Variants in PTPN14 observed in about 807,000 individuals in gnomAD.
The protein encoded by PTPN14 is tyrosine-protein phosphatase non-receptor type 14.
A neutral mutation model predicts 126.8 loss-of-function variants in PTPN14; 53 were observed. The ratio of observed to expected loss-of-function variants is 0.42; its 90% CI spans 0.34 to 0.53. PTPN14 has a LOEUF of 0.53. Among genes scored for constraint, PTPN14 ranks in the 20% least tolerant of loss-of-function variants. The pLI is 0.08. For synonymous variants in PTPN14, 630 were observed against 599.3 expected (o/e 1.05, Z -0.75); for missense variants, 1,257 against 1,552.9 (o/e 0.81, Z 3.20).
In PTPN14 at chr1:214,369,542, C is replaced by A; in HGVS notation, c.3186G>T (p.Leu1062Phe). 6.2e-7 allele frequency: 1 copy of A among 1,614,174 alleles called. No homozygotes were observed. The highest frequency in any genetic ancestry group is 1.1e-5 in the South Asian group (1 of 91,080). The change falls in exon 17 of 19, where the codon TTG (leucine) becomes TTT (phenylalanine). Residue 1062 changes from leucine to phenylalanine, a missense_variant. Physicochemically the swap from Leu to Phe is conservative, Grantham distance 22. This residue lies in a region of PTPN14 where 171 missense variants were observed against 229.8 expected (regional missense o/e 0.74). Transcript: ENST00000366956. ...ATTGLKVKHL[L>F]SGQERTVWHL... The stretch of plus-strand genomic sequence containing the variant: ...GCCACACCGTCCTTTCTTGCCCAGA[C>A]AAAAGGTGCTTGACCTTCAAGCCCG...
At chr1:214,445,215 AG>A (rs1660115761) in intron 3 of PTPN14, among the ~76,000 whole-genome samples, 1 of 152,204 alleles carries the variant, frequency 6.6e-6, no homozygotes, top group South Asian at 2.1e-4. Context: ...ATAGCTGCTG[AG>A]AAGCACCGAA....
intron 1 of PTPN14, among the ~76,000 whole-genome samples, chr1:214,541,762 T>C (rs1655842776): frequency 6.6e-6 from 1 of 152,224 alleles, no homozygotes; most frequent in African/African-American, 2.4e-5. Context: ...TATACATATG[T>C]ATTCATGGGA....
At chr1:214,369,917 G>A (rs544799866) in intron 16 of PTPN14, among the ~76,000 whole-genome samples, 12 of 152,302 alleles carry the variant, frequency 7.9e-5, no homozygotes, top group East Asian at 1.9e-4. Context: ...ATTCACAACC[G>A]AGGTGCAGTA....
chr1:214,486,187 A>G (rs1661108050), intron 1 of PTPN14, among the ~76,000 whole-genome samples: 1 of 152,170 alleles, frequency 6.6e-6, no homozygotes, highest in Non-Finnish European at 1.5e-5. Context: ...TAATTTAACC[A>G]AAAATCATAG....
At chr1:214,475,067 T>C (rs1013403994) in intron 1 of PTPN14, among the ~76,000 whole-genome samples, 1 of 152,220 alleles carries the variant, frequency 6.6e-6, no homozygotes, top group Non-Finnish European at 1.5e-5. Context: ...TTGACAGTTC[T>C]TGAAGGTGGG....
chr1:214,458,035 ACC>A (rs1414222738), intron 2 of PTPN14, among the ~76,000 whole-genome samples: 12 of 144,608 alleles, frequency 8.3e-5, no homozygotes, highest in African/African-American at 3.1e-4. Flanking sequence ...CTATATCTAT[ACC>A]TAGAGAGAGA....
At chr1:214,381,733 A>G (rs1201357719) in intron 13 of PTPN14, among the ~76,000 whole-genome samples, 2 of 152,230 alleles carry the variant, frequency 1.3e-5, no homozygotes, top group African/African-American at 4.8e-5. Flanking sequence ...GCCTAATGGA[A>G]TCCATCAAAG....
intron 8 of PTPN14, among the ~76,000 whole-genome samples, chr1:214,396,450 T>C (rs986019223): frequency 3.9e-5 from 6 of 152,202 alleles, no homozygotes; most frequent in Non-Finnish European, 7.4e-5. Flanking sequence ...CGTGGACTCA[T>C]AGCTACATGC....
chr1:214,408,012 T>G (rs1014243253), intron 5 of PTPN14, among the ~76,000 whole-genome samples: 1 of 152,140 alleles, frequency 6.6e-6, no homozygotes, highest in Admixed American at 6.6e-5. Flanking sequence ...TCTCTCTGTC[T>G]AAATCATTCC....
intron 5 of PTPN14, among the ~76,000 whole-genome samples, chr1:214,407,104 C>T (rs576622576): frequency 3.9e-5 from 6 of 152,274 alleles, no homozygotes; most frequent in African/African-American, 1.2e-4. Context: ...TGACATTAAG[C>T]CCTAAGAAGA....
chr1:214,516,651 T>C (rs777702792), intron 1 of PTPN14, among the ~76,000 whole-genome samples: 1 of 152,128 alleles, frequency 6.6e-6, no homozygotes, highest in African/African-American at 2.4e-5. Flanking sequence ...ATACATAGTA[T>C]TACCAGGACT....
chr1:214,384,416 G>T lies in PTPN14; in HGVS notation c.1439C>A (p.Pro480Gln). 1 of 1,614,154 alleles carries T rather than the reference G, an allele frequency of 6.2e-7. No individual in the cohort carries two copies. The highest frequency in any genetic ancestry group is 8.5e-7 in the Non-Finnish European group (1 of 1,180,032). The stretch of plus-strand genomic sequence containing the variant: ...CGGTTGGCTGTACACCAGATCCTCT[G>T]GCTGGTTGTAGGCATGGGTGTTGAT... ...NIINTHAYNQPEDLVYSQPEM... is the reference protein window; with the variant it reads ...NIINTHAYNQQEDLVYSQPEM... Residue 480 changes from proline (P) to glutamine (Q), a missense_variant, in exon 13 of 19, where the codon CCA becomes CAA. Around this residue, in one of 3 missense-constraint regions of PTPN14, gnomAD observed 1,021 missense variants for 1,183.3 expected, o/e 0.86. Transcript: ENST00000366956. This position sits in a 1 kb window ranked among gnomAD's most constrained non-coding sequence, Gnocchi z 5.3.
At chr1:214,496,897 C>T (rs376254710) in intron 1 of PTPN14, among the ~76,000 whole-genome samples, 1 of 152,030 alleles carries the variant, frequency 6.6e-6, no homozygotes, top group East Asian at 1.9e-4. Context: ...TTCCTTCAGT[C>T]TAGCTCAGTC....
At chr1:214,517,278 C>A (rs1186845264) in intron 1 of PTPN14, among the ~76,000 whole-genome samples, 1 of 152,038 alleles carries the variant, frequency 6.6e-6, no homozygotes, top group Non-Finnish European at 1.5e-5. Flanking sequence ...GTATGTATGA[C>A]AAAATGCATG....
chr1:214,464,867 C>T lies in PTPN14; in HGVS notation c.-64G>A. 6.3e-7 allele frequency: 1 copy of T among 1,578,186 alleles called. No individual in the cohort carries two copies. On this transcript the variant is annotated 5_prime_UTR_variant, in exon 2 of 19. Coordinates refer to ENST00000366956, the MANE Select transcript of PTPN14 (RefSeq NM_005401.5). ...GCACACGCCCCTGAGATGGCCTTAG[C>T]AGTTTCGTGACTGGAAAATTACACT...
chr1:214,446,167 T>C (rs1294300063), intron 3 of PTPN14, among the ~76,000 whole-genome samples: 1 of 152,178 alleles, frequency 6.6e-6, no homozygotes, highest in Non-Finnish European at 1.5e-5. Context: ...TCTCTTTAAA[T>C]CCTATGGTTT....
Position 214,464,705 on chromosome 1 carries a change from G to C in PTPN14, c.99C>G (p.Ile33Met). The C allele has an allele frequency of 6.2e-7, 1 of 1,614,268 alleles. No homozygotes were observed. Among genetic ancestry groups the C allele is most frequent in the African/African-American group, 1.3e-5 (1 of 75,068 alleles). The change falls in exon 2 of 19, where the codon ATC becomes ATG. Residue 33 changes from isoleucine (I) to methionine (M), a missense_variant. Ile to Met is a conservative substitution (Grantham distance 10, BLOSUM62 1). This residue lies in a region of PTPN14 where 1,021 missense variants were observed against 1,183.3 expected (regional missense o/e 0.86). Transcript: ENST00000366956. The part of the protein sequence containing the change: ...TRIRLLDSNV[I>M]ECTLSVESTG... ...TGCTTTCCACCGACAGCGTGCACTCGATAACATTGCTGTCCAGCAGGCGAA... is the reference window on the plus strand; with the variant it reads ...TGCTTTCCACCGACAGCGTGCACTCCATAACATTGCTGTCCAGCAGGCGAA...
Position 214,458,046 on chromosome 1 carries a change from GAGAGAGAGAT to G in PTPN14, c.175-6082_175-6073del, listed in dbSNP as rs1331353737. ...ATATCTATATCTATACCTAGAGAGA[GAGAGAGAGAT>G]AGAGAGAGAGAGACAGAGAGATTCA... On this transcript the variant is annotated intron_variant, in intron 2 of 18. Transcript: ENST00000366956. 1.9e-3 allele frequency among the ~76,000 whole-genome samples: 281 copies of G among 147,216 alleles called. 1 individual carries two copies. The highest frequency in any genetic ancestry group is 7.2e-3 in the African/African-American group (268 of 36,978).
rs1482066667 is a variant in PTPN14, at chr1:214,349,248, G to A, written c.*8674C>T. On this transcript the variant is annotated 3_prime_UTR_variant, in exon 19 of 19. Transcript: ENST00000366956. ...TCCCAACCTGGAATGCATTTCTTACGGCAACAACATAAGAGATGGTGATTA... is the reference window on the plus strand; with the variant it reads ...TCCCAACCTGGAATGCATTTCTTACAGCAACAACATAAGAGATGGTGATTA... The A allele has an allele frequency of 6.6e-6, 1 of 152,142 alleles. No individual in the cohort carries two copies. Among genetic ancestry groups the A allele is most frequent in the African/African-American group, 2.4e-5 (1 of 41,416 alleles). 9.4% of individuals were successfully genotyped at this position (152,142 alleles called of 1,614,324 possible).
Sources: gnomAD v4.1 joint callset for allele counts (sites outside exome capture counted in the v4.1 genomes callset) on GRCh38, gnomAD v4.1.1 for gene constraint, gnomAD v4.1.1 regional missense constraint, Gnocchi (gnomAD v3.1) non-coding constraint, MANE v1.5 for transcripts, NCBI Gene and HGNC (gene_info 2026-07-23, HGNC 2026-07-21) for gene names.